Variants in GXYLT1 observed in about 807,000 individuals in gnomAD.
GXYLT1 encodes the protein glucoside xylosyltransferase 1.
A neutral mutation model predicts 54.0 loss-of-function variants in GXYLT1; 29 were observed. That is an observed-to-expected ratio of 0.54 (90% confidence interval 0.40 to 0.73). The LOEUF is 0.73. Among genes scored for constraint, GXYLT1 ranks in the 30% least tolerant of loss-of-function variants. The probability of loss-of-function intolerance (pLI) is 0.00; values close to 1 mark genes in which losing one functional copy is unlikely to be tolerated. For missense variants in GXYLT1, 490 were observed against 553.4 expected, an observed-to-expected ratio of 0.89 and a Z score of 1.15; for synonymous variants, 176 against 204.1, an observed-to-expected ratio of 0.86 and a Z score of 1.17.
chr12:42,100,857 A>T (rs2065385828), intron 5 of GXYLT1, among the ~76,000 whole-genome samples: 1 of 152,082 alleles, frequency 6.6e-6, no homozygotes, highest in South Asian at 2.1e-4. Flanking sequence ...CACCATGTTA[A>T]AGTCTTCATG....
intron 1 of GXYLT1, among the ~76,000 whole-genome samples, chr12:42,138,126 G>A (rs1196634584): frequency 6.6e-6 from 1 of 152,090 alleles, no homozygotes; most frequent in Non-Finnish European, 1.5e-5. Flanking sequence ...AATCAGCAAG[G>A]TGTGGTGGCA....
At chr12:42,137,218 C>T (rs550932066) in intron 1 of GXYLT1, among the ~76,000 whole-genome samples, 108 of 152,180 alleles carry the variant, frequency 7.1e-4, no homozygotes, top group Non-Finnish European at 1.1e-3. Flanking sequence ...ACTAAAAATA[C>T]AAAAATTAGG....
At chr12:42,128,065 G>A (rs1426748470) in intron 2 of GXYLT1, among the ~76,000 whole-genome samples, 1 of 152,176 alleles carries the variant, frequency 6.6e-6, no homozygotes, top group East Asian at 1.9e-4. Flanking sequence ...CTTACAGAGA[G>A]GAGAATGGTG....
At position 42,083,353 on chromosome 12, in the gene GXYLT1, T is replaced by C. The variant is rs886401146; in HGVS notation, c.*4433A>G. 3 of 152,236 alleles carry C rather than the reference T, an allele frequency of 2.0e-5. No individual in the cohort carries two copies. Among genetic ancestry groups the C allele is most frequent in the Non-Finnish European group, 2.9e-5 (2 of 68,038 alleles). The allele number at this position is 152,236 out of a possible 1,614,324, so 9.4% of individuals were successfully genotyped here. On this transcript the variant is annotated 3_prime_UTR_variant, in exon 8 of 8. Transcript: ENST00000398675. ...GCAATGGATAAAAGAATAACTGTTA[T>C]AATACAAATCTTTATTTAATCTACT...
At chr12:42,129,959 T>A in intron 1 of GXYLT1, 108 bp from the exon 2 acceptor site, 1 of 649,748 alleles carries the variant, frequency 1.5e-6, no homozygotes, top group Non-Finnish European at 2.6e-6. Context: ...TTAAAGCAAA[T>A]AAAATTATAA....
intron 4 of GXYLT1, 41 bp downstream of exon 4, chr12:42,109,523 TAA>T (rs201861073): frequency 0.055 from 59,851 of 1,082,188 alleles, no homozygotes; most frequent in East Asian, 0.062. Flanking sequence ...GGTTCAAATT[TAA>T]AAAAAAAAAA....
intron 5 of GXYLT1, among the ~76,000 whole-genome samples, chr12:42,102,975 G>C (rs927931415): frequency 2.7e-5 from 4 of 150,874 alleles, no homozygotes; most frequent in African/African-American, 9.8e-5. Context: ...TTGAGACAGA[G>C]TCTCACTCAC....
At chr12:42,133,577 C>T (rs567546793) in intron 1 of GXYLT1, among the ~76,000 whole-genome samples, 1 of 152,236 alleles carries the variant, frequency 6.6e-6, no homozygotes, top group East Asian at 1.9e-4. Context: ...AGCCACAATG[C>T]CACACCATTC....
chr12:42,108,825 G>A (rs1458847698), intron 4 of GXYLT1, among the ~76,000 whole-genome samples: 1 of 152,080 alleles, frequency 6.6e-6, no homozygotes, highest in Non-Finnish European at 1.5e-5. Flanking sequence ...CCGGAACCTT[G>A]TGTGCTTCTT....
chr12:42,112,453 T>A (rs1007917161), intron 3 of GXYLT1, among the ~76,000 whole-genome samples: 2 of 152,100 alleles, frequency 1.3e-5, no homozygotes, highest in Non-Finnish European at 2.9e-5. Flanking sequence ...TTAAAGGACC[T>A]GATGGAGCTG....
Position 42,096,332 on chromosome 12 carries a change from C to G in GXYLT1, c.1161+1110G>C, listed in dbSNP as rs117092179. Among the ~76,000 whole-genome samples, 1,277 of 152,012 alleles carry G rather than the reference C, an allele frequency of 8.4e-3. 18 individuals are homozygous for G. Among genetic ancestry groups the G allele is most frequent in the Non-Finnish European group, 0.01 (686 of 67,934 alleles). ...TAGGGCAGGGAAAGTATAAAATAAA[C>G]CTGGAATATTTTGTTGGAACAGAAA... On this transcript the variant is annotated intron_variant, in intron 7 of 7. Transcript: ENST00000398675.
At chr12:42,128,975 C>T (rs1426881848) in intron 2 of GXYLT1, among the ~76,000 whole-genome samples, 1 of 152,156 alleles carries the variant, frequency 6.6e-6, no homozygotes, top group African/African-American at 2.4e-5. Context: ...CATACCCAAC[C>T]TAGACTATTT....
chr12:42,120,368 T>C (rs973890959), intron 2 of GXYLT1, among the ~76,000 whole-genome samples: 1 of 152,222 alleles, frequency 6.6e-6, no homozygotes, highest in East Asian at 1.9e-4. Context: ...ACTTCTGAGA[T>C]GGTCTAAAAC....
chr12:42,113,948 T>A (rs2065475695), intron 3 of GXYLT1, among the ~76,000 whole-genome samples: 1 of 151,948 alleles, frequency 6.6e-6, no homozygotes, highest in Non-Finnish European at 1.5e-5. Flanking sequence ...CACAGTGCAA[T>A]CAAACTAGAA....
At chr12:42,131,028 T>C (rs767868356) in intron 1 of GXYLT1, among the ~76,000 whole-genome samples, 1 of 152,154 alleles carries the variant, frequency 6.6e-6, no homozygotes, top group Non-Finnish European at 1.5e-5. Flanking sequence ...ATTCACAGCC[T>C]AGTATCATTA....
At position 42,113,167 on chromosome 12, in the gene GXYLT1, C is replaced by A. The variant is rs956589053; in HGVS notation, c.487-3476G>T. On this transcript the variant is annotated intron_variant, in intron 3 of 7. Transcript: ENST00000398675. ...GGAAAGGAACAACCGGTACCAGCCA[C>A]AGCAAAATCATGCCAAAATGTAAAG... 9.3e-5 allele frequency among the ~76,000 whole-genome samples: 14 copies of A among 151,094 alleles called. 2 individuals are homozygous for A. Among genetic ancestry groups the A allele is most frequent in the African/African-American group, 3.5e-4 (14 of 40,410 alleles).
intron 3 of GXYLT1, among the ~76,000 whole-genome samples, chr12:42,116,057 T>A (rs1372328828): frequency 6.6e-6 from 1 of 151,998 alleles, no homozygotes; most frequent in African/African-American, 2.4e-5. Context: ...TAAATGGTGC[T>A]GGGAAAACTG....
chr12:42,140,919 AC>A (rs2065648885), intron 1 of GXYLT1, among the ~76,000 whole-genome samples: 1 of 152,224 alleles, frequency 6.6e-6, no homozygotes, highest in Admixed American at 6.5e-5. Context: ...CTAAAATGCA[AC>A]AAAGTGGTAT....
Position 42,084,380 on chromosome 12 carries a change from CTTACAT to C in GXYLT1, c.*3400_*3405del, listed in dbSNP as rs2065274069. The C allele has an allele frequency of 2.8e-5, 1 of 36,158 alleles. No individual in the cohort carries two copies. The highest frequency in any genetic ancestry group is 6.4e-4 in the South Asian group (1 of 1,566). The allele number at this position is 36,158 out of a possible 1,614,324, so 2.2% of individuals were successfully genotyped here. ...ACTTTCTCTTCCTGAAAAACTCTTC[CTTACAT>C]AAACAAATTCATACTGGAGATATAT... On this transcript the variant is annotated 3_prime_UTR_variant, in exon 8 of 8. Coordinates refer to ENST00000398675, the MANE Select transcript of GXYLT1 (RefSeq NM_173601.2).
Sources: gnomAD v4.1 joint callset for allele counts (sites outside exome capture counted in the v4.1 genomes callset) on GRCh38, gnomAD v4.1.1 for gene constraint, MANE v1.5 for transcripts, NCBI Gene and HGNC (gene_info 2026-07-23, HGNC 2026-07-21) for gene names.